The following NELL2 variants were observed in gnomAD, a reference collection of about 807,000 sequenced individuals.
The protein encoded by NELL2 is neural EGFL like 2.
A neutral mutation model predicts 109.6 loss-of-function variants in NELL2; 41 were observed. The observed-to-expected ratio is 0.37, with a 90% CI of 0.29 to 0.49. The LOEUF is 0.49. Ranked by LOEUF, NELL2 falls within the 20% of genes least tolerant of loss-of-function variation. The pLI, the probability that NELL2 is intolerant of heterozygous loss-of-function variation, is 0.98. For missense variants in NELL2, 900 were observed against 1,008.3 expected (o/e 0.89, Z 1.45); for synonymous variants, 355 against 344.7 (o/e 1.03, Z -0.33).
At chr12:44,806,170 T>C (rs1445746805) in intron 3 of NELL2, among the ~76,000 whole-genome samples, 1 of 151,848 alleles carries the variant, frequency 6.6e-6, no homozygotes, top group African/African-American at 2.4e-5. Flanking sequence ...AATGAATTAA[T>C]ATCCTTATTA....
chr12:44,640,461 G>C (rs1461609480), intron 13 of NELL2, among the ~76,000 whole-genome samples: 1 of 152,084 alleles, frequency 6.6e-6, no homozygotes, highest in Non-Finnish European at 1.5e-5. Flanking sequence ...ATTTCTATAA[G>C]CTTTAAGTAA....
intron 15 of NELL2, among the ~76,000 whole-genome samples, chr12:44,544,585 T>C: frequency 6.6e-6 from 1 of 152,122 alleles, no homozygotes; most frequent in East Asian, 1.9e-4. Flanking sequence ...AGGTGACTAT[T>C]TCTTTTCATT....
intron 3 of NELL2, among the ~76,000 whole-genome samples, chr12:44,803,101 TGG>T (rs1349250492): frequency 6.6e-6 from 1 of 152,006 alleles, no homozygotes; most frequent in Non-Finnish European, 1.5e-5. Flanking sequence ...ATCATTTCTG[TGG>T]GTTCCTGACA....
At chr12:44,828,699 T>A (rs1943794061) in intron 2 of NELL2, among the ~76,000 whole-genome samples, 1 of 152,072 alleles carries the variant, frequency 6.6e-6, no homozygotes, top group Non-Finnish European at 1.5e-5. Context: ...GAATTTTCAT[T>A]AATAAAAGTC....
chr12:44,718,285 G>A lies in NELL2; in HGVS notation c.995-3544C>T, dbSNP rs1444349768. 5.9e-5 allele frequency among the ~76,000 whole-genome samples: 9 copies of A among 152,098 alleles called. No individual in the cohort carries two copies. The East Asian group carries it at 1.2e-3, about 20-fold the overall frequency. On this transcript the variant is annotated intron_variant, in intron 9 of 19. Transcript: ENST00000429094. ...CAAATTCTGAGAGATAACAATAATCGCTGGCTACCACAATGGCTACAGGAC... is the reference window on the plus strand; with the variant it reads ...CAAATTCTGAGAGATAACAATAATCACTGGCTACCACAATGGCTACAGGAC...
At chr12:44,650,427 CT>C (rs1947260528) in intron 13 of NELL2, among the ~76,000 whole-genome samples, 1 of 151,968 alleles carries the variant, frequency 6.6e-6, no homozygotes, top group South Asian at 2.1e-4. Context: ...TCCGGAGTAG[CT>C]GGGATTACAG....
chr12:44,872,175 G>A (rs1945182667), intron 2 of NELL2, among the ~76,000 whole-genome samples: 1 of 151,940 alleles, frequency 6.6e-6, no homozygotes, highest in South Asian at 2.1e-4. Context: ...TCTTTTTATT[G>A]TCTACATTCA....
chr12:44,665,417 C>A, intron 13 of NELL2, 67 bp downstream of exon 13: 3 of 1,420,494 alleles, frequency 2.1e-6, no homozygotes, highest in Admixed American at 2.2e-5. Context: ...AAATGAGAGT[C>A]AAAGAAATTT....
intron 19 of NELL2, among the ~76,000 whole-genome samples, chr12:44,515,516 T>C (rs982697564): frequency 6.6e-6 from 1 of 151,940 alleles, no homozygotes. Context: ...AGGTGTTACC[T>C]GAAAGGGGAT....
intron 15 of NELL2, among the ~76,000 whole-genome samples, chr12:44,550,329 A>G (rs1162730690): frequency 6.6e-6 from 1 of 152,092 alleles, no homozygotes; most frequent in East Asian, 1.9e-4. Flanking sequence ...AGGATCTTGA[A>G]GAGATATCTG....
Position 44,657,430 on chromosome 12 carries a change from T to C in NELL2, c.1444+8054A>G, listed in dbSNP as rs908772339. Among the ~76,000 whole-genome samples the C allele has an allele frequency of 5.3e-5, 8 of 152,312 alleles. No homozygotes were observed. In the East Asian group the frequency reaches 1.5e-3, roughly 29 times the overall value. On this transcript the variant is annotated intron_variant, in intron 13 of 19. Transcript: ENST00000429094. ...CAGCCGTTTATTCCACTACCATTAA[T>C]TGAGATTCTTCACACATTGTCTTAT...
intron 9 of NELL2, among the ~76,000 whole-genome samples, chr12:44,772,772 T>C (rs1040764189): frequency 6.6e-6 from 1 of 152,158 alleles, no homozygotes. Context: ...CCATATCTAA[T>C]GAGGGCCTAT....
intron 16 of NELL2, 78 bp from the exon 17 acceptor site, chr12:44,523,562 T>G: frequency 8.0e-7 from 1 of 1,249,916 alleles, no homozygotes; most frequent in Non-Finnish European, 1.1e-6. Flanking sequence ...GCCAGTTGTC[T>G]CCTGACATAA....
At position 44,520,034 on chromosome 12, in the gene NELL2, C is replaced by T; in HGVS notation, c.2371G>A (p.Gly791Ser). 1 of 1,614,050 alleles carries T rather than the reference C, an allele frequency of 6.2e-7. No homozygotes were observed. Among genetic ancestry groups the T allele is most frequent in the South Asian group, 1.1e-5 (1 of 91,058 alleles). ...RFTGSSWIKH[G>S]TECTLCQCKN... The stretch of plus-strand genomic sequence containing the variant: ...CACTGGCAGAGAGTACACTCAGTGC[C>T]ATGTTTGATCCAAGAGGACCCGGTG... The change falls in exon 19 of 20, where the codon GGC becomes AGC. Residue 791 changes from glycine (G) to serine (S), a missense_variant. Gly to Ser is a moderately conservative substitution (Grantham distance 56, BLOSUM62 0). Transcript: ENST00000429094.
At chr12:44,847,596 C>T (rs1944408819) in intron 2 of NELL2, among the ~76,000 whole-genome samples, 1 of 150,200 alleles carries the variant, frequency 6.7e-6, no homozygotes, top group Non-Finnish European at 1.5e-5. Flanking sequence ...GTACTCCTTC[C>T]ACAATGACAC....
At chr12:44,837,974 A>C (rs1944106775) in intron 2 of NELL2, among the ~76,000 whole-genome samples, 1 of 152,208 alleles carries the variant, frequency 6.6e-6, no homozygotes, top group African/African-American at 2.4e-5. Flanking sequence ...TAGTTTCTAA[A>C]GATGTGAACT....
At chr12:44,769,394 C>T (rs1012222520) in intron 9 of NELL2, among the ~76,000 whole-genome samples, 4 of 151,858 alleles carry the variant, frequency 2.6e-5, no homozygotes, top group Admixed American at 6.6e-5. Flanking sequence ...AAAATTAGGC[C>T]GCGGTACAAT....
At chr12:44,550,638 G>T (rs1334355243) in intron 15 of NELL2, among the ~76,000 whole-genome samples, 1 of 151,940 alleles carries the variant, frequency 6.6e-6, no homozygotes, top group African/African-American at 2.4e-5. Flanking sequence ...TGAATGAACA[G>T]ATAAGGAAAT....
intron 18 of NELL2, 98 bp downstream of exon 18, chr12:44,521,902 G>T: frequency 8.4e-7 from 1 of 1,188,554 alleles, no homozygotes; most frequent in Non-Finnish European, 1.2e-6. Flanking sequence ...CAACACTGTG[G>T]CCTGGTGCTA....
Sources: gnomAD v4.1 joint callset for allele counts (sites outside exome capture counted in the v4.1 genomes callset) on GRCh38, gnomAD v4.1.1 for gene constraint, MANE v1.5 for transcripts, NCBI Gene and HGNC (gene_info 2026-07-23, HGNC 2026-07-21) for gene names.